The following LHPP variants were observed in gnomAD, a reference collection of about 807,000 sequenced individuals.
The protein encoded by LHPP is phospholysine phosphohistidine inorganic pyrophosphate phosphatase, also known as hLHPP.
In LHPP, 24 loss-of-function variants were observed where a neutral mutation model predicts 30.3. The ratio of observed to expected loss-of-function variants is 0.79; its 90% CI spans 0.57 to 1.11. The LOEUF (loss-of-function observed/expected upper bound fraction) is 1.11. Among genes scored for constraint, LHPP ranks in the 50% most tolerant of loss-of-function variants. LHPP has a pLI of 0.00. For missense variants in LHPP, 356 were observed against 367.2 expected (o/e 0.97, Z 0.25); for synonymous variants, 150 against 157.1 (o/e 0.95, Z 0.34).
At chr10:124,554,529 T>C (rs1948254754) in intron 6 of LHPP, among the ~76,000 whole-genome samples, 3 of 152,260 alleles carry the variant, frequency 2.0e-5, no homozygotes, top group Admixed American at 1.3e-4. Context: ...TATGGCAGTT[T>C]AATAATGTGC....
At chr10:124,539,441 A>G (rs11245271) in intron 6 of LHPP, among the ~76,000 whole-genome samples, 3,507 of 152,258 alleles carry the variant, frequency 0.023, 88 homozygotes, top group South Asian at 0.11. Flanking sequence ...CCTGGGCAAC[A>G]TGGCGAAACC....
intron 6 of LHPP, among the ~76,000 whole-genome samples, chr10:124,609,052 G>A (rs1048636266): frequency 6.6e-6 from 1 of 152,196 alleles, no homozygotes; most frequent in African/African-American, 2.4e-5. Context: ...CCTGGGGGAC[G>A]GTGGACAGGC....
intron 6 of LHPP, among the ~76,000 whole-genome samples, chr10:124,531,099 C>G (rs1189939937): frequency 1.3e-5 from 2 of 152,220 alleles, no homozygotes; most frequent in Non-Finnish European, 2.9e-5. Flanking sequence ...TGTCTGCGCC[C>G]TTCACCTGTC....
chr10:124,556,680 A>C (rs1589862391), intron 6 of LHPP, among the ~76,000 whole-genome samples: 1 of 152,166 alleles, frequency 6.6e-6, no homozygotes, highest in Non-Finnish European at 1.5e-5. Context: ...CTCACCAACA[A>C]ATAACACCGA....
chr10:124,528,041 T>TTACAGGGGAGCCGCCG (rs1954790293), intron 6 of LHPP, among the ~76,000 whole-genome samples: 1 of 68,562 alleles, frequency 1.5e-5, no homozygotes, highest in Non-Finnish European at 2.8e-5. Flanking sequence ...AGTGCTGGGA[T>TTACAGGGGAGCCGCCG]TACCCGGCTT....
intron 5 of LHPP, among the ~76,000 whole-genome samples, chr10:124,506,263 A>ACCCCCCCCCCCCC (rs539116106): frequency 6.9e-5 from 6 of 86,332 alleles, no homozygotes; most frequent in Non-Finnish European, 9.2e-5. Flanking sequence ...AAAACAACAA[A>ACCCCCCCCCCCCC]CCCCCCCCCC....
chr10:124,519,788 G>C (rs1034836402), intron 6 of LHPP, among the ~76,000 whole-genome samples: 29 of 152,164 alleles, frequency 1.9e-4, no homozygotes, highest in Middle Eastern at 3.4e-3. Context: ...TTATGGCTAA[G>C]TAGTATTCCA....
chr10:124,521,758 G>T (rs558774663), intron 6 of LHPP, among the ~76,000 whole-genome samples: 9 of 152,224 alleles, frequency 5.9e-5, no homozygotes, highest in Non-Finnish European at 1.2e-4. Flanking sequence ...GCACCAGGAA[G>T]GGGGAGAAGC....
chr10:124,506,546 C>T (rs574540010), intron 5 of LHPP, among the ~76,000 whole-genome samples: 1 of 151,390 alleles, frequency 6.6e-6, no homozygotes, highest in African/African-American at 2.4e-5. Context: ...AGGAGTGAAG[C>T]CAGGCACCAA....
At chr10:124,588,798 C>A (rs1408076118) in intron 6 of LHPP, among the ~76,000 whole-genome samples, 2 of 152,206 alleles carry the variant, frequency 1.3e-5, no homozygotes, top group Admixed American at 6.5e-5. Flanking sequence ...TACCCCAAGG[C>A]CTCCCTTGTC....
At chr10:124,475,985 C>T (rs905103773) in intron 1 of LHPP, among the ~76,000 whole-genome samples, 3 of 152,150 alleles carry the variant, frequency 2.0e-5, no homozygotes, top group African/African-American at 7.2e-5. Context: ...CCTGGGACAT[C>T]GATGCTTGTG....
At chr10:124,573,309 C>T (rs1481220167) in intron 6 of LHPP, among the ~76,000 whole-genome samples, 1 of 152,130 alleles carries the variant, frequency 6.6e-6, no homozygotes, top group African/African-American at 2.4e-5. Context: ...CATGAGACAC[C>T]AGACTTTATT....
At chr10:124,490,608 C>A in intron 3 of LHPP, 1 of 220,996 alleles carries the variant, frequency 4.5e-6, no homozygotes, top group South Asian at 6.8e-5. Context: ...AGGTCCGGGG[C>A]TGGAAAGCAT....
intron 1 of LHPP, among the ~76,000 whole-genome samples, chr10:124,472,926 A>G (rs1952831115): frequency 6.6e-6 from 1 of 152,208 alleles, no homozygotes; most frequent in Non-Finnish European, 1.5e-5. Context: ...GGGTAGAGTC[A>G]TAATAGAATC....
chr10:124,565,636 C>G lies in LHPP; in HGVS notation c.717-47628C>G, dbSNP rs547926349. Among the ~76,000 whole-genome samples, 3 of 152,354 alleles carry G rather than the reference C, an allele frequency of 2.0e-5. No homozygotes were observed. The South Asian group carries it at 6.2e-4, about 32-fold the overall frequency. On this transcript the variant is annotated intron_variant, in intron 6 of 6. Coordinates refer to ENST00000368842, the MANE Select transcript of LHPP (RefSeq NM_022126.4). ...GCCTGACAAGAAAGGAATGCTACCC[C>G]ACGCCGTGCGCCCCAGGCGGCCACT...
intron 6 of LHPP, among the ~76,000 whole-genome samples, chr10:124,548,138 A>G (rs1955398864): frequency 6.6e-6 from 1 of 152,198 alleles, no homozygotes; most frequent in African/African-American, 2.4e-5. Context: ...CGTAAGCACT[A>G]AAGTTCAGAA....
intron 6 of LHPP, among the ~76,000 whole-genome samples, chr10:124,601,860 A>G (rs1406290399): frequency 6.6e-6 from 1 of 152,216 alleles, no homozygotes; most frequent in Non-Finnish European, 1.5e-5. Context: ...GATCCCAAGG[A>G]ATGCAGGCAT....
In LHPP at chr10:124,576,205, T is replaced by C. The variant is rs1429088785; in HGVS notation, c.717-37059T>C. Among the ~76,000 whole-genome samples, 5 of 152,118 alleles carry C rather than the reference T, an allele frequency of 3.3e-5. No individual in the cohort carries two copies. The highest frequency in any genetic ancestry group is 5.9e-5 in the Non-Finnish European group (4 of 68,004). The stretch of plus-strand genomic sequence containing the variant: ...TACTGCCTAATAGAGTGCTCACACA[T>C]GTTAAAACTACCTGGCAGGCAGGAG... On this transcript the variant is annotated intron_variant, in intron 6 of 6. Coordinates refer to ENST00000368842, the MANE Select transcript of LHPP (RefSeq NM_022126.4). This position sits in a 1 kb window ranked among gnomAD's most constrained non-coding sequence, Gnocchi z 4.2.
intron 6 of LHPP, among the ~76,000 whole-genome samples, chr10:124,525,525 G>A (rs1311601292): frequency 6.6e-6 from 1 of 152,218 alleles, no homozygotes; most frequent in East Asian, 1.9e-4. Context: ...TCTGGACATT[G>A]TCAGCATGTG....
Sources: gnomAD v4.1 joint callset for allele counts (sites outside exome capture counted in the v4.1 genomes callset) on GRCh38, gnomAD v4.1.1 for gene constraint, Gnocchi (gnomAD v3.1) non-coding constraint, MANE v1.5 for transcripts, NCBI Gene and HGNC (gene_info 2026-07-23, HGNC 2026-07-21) for gene names.